Variants in ROBO1 observed in about 807,000 individuals in gnomAD.
ROBO1 encodes roundabout homolog 1.
ROBO1 carries 149 observed loss-of-function variants against 195.9 expected under a neutral mutation model. The ratio of observed to expected loss-of-function variants is 0.76; its 90% CI spans 0.67 to 0.87. The LOEUF (loss-of-function observed/expected upper bound fraction) is 0.87, where lower values mean the gene tolerates loss of function less well. Ranked by LOEUF, ROBO1 falls within the 40% of genes least tolerant of loss-of-function variation. The pLI is 0.00. For missense variants in ROBO1, 1,933 were observed against 2,068.3 expected, an observed-to-expected ratio of 0.93 and a Z score of 1.27; for synonymous variants, 816 against 733.2, an observed-to-expected ratio of 1.11 and a Z score of -1.82.
chr3:79,192,800 T>A (rs976369089), intron 2 of ROBO1, among the ~76,000 whole-genome samples: 5 of 151,542 alleles, frequency 3.3e-5, no homozygotes, highest in African/African-American at 4.8e-5. Flanking sequence ...GCTACCTGAG[T>A]GTTTTTAACC....
At chr3:79,079,244 G>A (rs78792052) in intron 3 of ROBO1, among the ~76,000 whole-genome samples, 7 of 151,652 alleles carry the variant, frequency 4.6e-5, no homozygotes, top group African/African-American at 1.4e-4. Context: ...TCTTTAAAAG[G>A]CATCTATATA....
intron 1 of ROBO1, among the ~76,000 whole-genome samples, chr3:79,655,496 T>G (rs1249518723): frequency 6.6e-6 from 1 of 152,102 alleles, no homozygotes; most frequent in African/African-American, 2.4e-5. Flanking sequence ...TGTTGGAGTA[T>G]AGTTATCAAA....
In ROBO1 at chr3:79,571,762, T is replaced by A. The variant is rs548312658; in HGVS notation, c.88+18062A>T. On this transcript the variant is annotated intron_variant, in intron 2 of 30. Coordinates refer to ENST00000464233, the MANE Select transcript of ROBO1 (RefSeq NM_002941.4). Reference sequence around the variant, plus strand: ...TAACTCATATATCTATGTGAGATAGTCTCAGTTATCAACACCCAGAGGAAG... The same window carrying A: ...TAACTCATATATCTATGTGAGATAGACTCAGTTATCAACACCCAGAGGAAG... 7.9e-5 allele frequency among the ~76,000 whole-genome samples: 12 copies of A among 152,228 alleles called. No homozygotes were observed. In the South Asian group the frequency reaches 2.3e-3, roughly 29 times the overall value.
intron 4 of ROBO1, among the ~76,000 whole-genome samples, chr3:78,772,394 G>A (rs1441598759): frequency 2.0e-5 from 3 of 151,896 alleles, no homozygotes; most frequent in South Asian, 4.1e-4. Flanking sequence ...TTTGGAAAAC[G>A]TCATCATAAA....
intron 4 of ROBO1, among the ~76,000 whole-genome samples, chr3:78,846,914 C>T (rs771612505): frequency 6.6e-6 from 1 of 152,108 alleles, no homozygotes; most frequent in Non-Finnish European, 1.5e-5. Flanking sequence ...GCAGCTGAGA[C>T]AGCAAAGGAG....
At chr3:79,663,806 C>G (rs1415412217) in intron 1 of ROBO1, among the ~76,000 whole-genome samples, 1 of 152,002 alleles carries the variant, frequency 6.6e-6, no homozygotes, top group Admixed American at 6.6e-5. Context: ...ATCCTGGAAT[C>G]TCTTCCCACT....
intron 3 of ROBO1, among the ~76,000 whole-genome samples, chr3:78,984,055 C>T (rs996471542): frequency 6.6e-6 from 1 of 152,144 alleles, no homozygotes; most frequent in Non-Finnish European, 1.5e-5. Flanking sequence ...AAAATAACAT[C>T]ATTAATAACG....
At chr3:79,104,530 AT>A (rs966292728) in intron 3 of ROBO1, among the ~76,000 whole-genome samples, 1 of 151,440 alleles carries the variant, frequency 6.6e-6, no homozygotes, top group African/African-American at 2.4e-5. Flanking sequence ...GCACCTTCTG[AT>A]TTTTTTTATT....
intron 2 of ROBO1, among the ~76,000 whole-genome samples, chr3:79,348,634 A>G (rs1172054156): frequency 6.6e-6 from 1 of 152,204 alleles, no homozygotes; most frequent in Non-Finnish European, 1.5e-5. Context: ...ACATTAAATA[A>G]TAAATAATTT....
intron 4 of ROBO1, among the ~76,000 whole-genome samples, chr3:78,911,640 T>C (rs1420484829): frequency 6.6e-6 from 1 of 152,026 alleles, no homozygotes; most frequent in Non-Finnish European, 1.5e-5. Flanking sequence ...ACCTTTAACC[T>C]GAACTTGCCT....
At chr3:78,949,006 A>G (rs917352231) in intron 3 of ROBO1, among the ~76,000 whole-genome samples, 15 of 149,316 alleles carry the variant, frequency 1.0e-4, no homozygotes, top group Non-Finnish European at 1.9e-4. Context: ...CAAGGAAATA[A>G]AAGAGGATAC....
intron 2 of ROBO1, among the ~76,000 whole-genome samples, chr3:79,333,204 C>CCA (rs2034522651): frequency 2.2e-5 from 3 of 133,574 alleles, no homozygotes; most frequent in African/African-American, 8.8e-5. Context: ...GAGACTCTGT[C>CCA]TAAAAAAAAA....
intron 22 of ROBO1, among the ~76,000 whole-genome samples, chr3:78,637,739 T>G (rs537656986): frequency 4.6e-5 from 7 of 152,222 alleles, no homozygotes; most frequent in Admixed American, 6.5e-5. Flanking sequence ...TATGGGCCTC[T>G]AGAGGACAGA....
chr3:79,695,299 T>C (rs1306981252), intron 1 of ROBO1, among the ~76,000 whole-genome samples: 1 of 151,670 alleles, frequency 6.6e-6, no homozygotes, highest in Admixed American at 6.6e-5. Context: ...TAATTACTTA[T>C]TTGTACAAAG....
intron 2 of ROBO1, among the ~76,000 whole-genome samples, chr3:79,486,072 T>C (rs1437456227): frequency 6.6e-6 from 1 of 152,348 alleles, no homozygotes; most frequent in East Asian, 1.9e-4. Context: ...CATGTTATTC[T>C]TTATTATTAT....
At chr3:79,543,044 A>G (rs1238162915) in intron 2 of ROBO1, among the ~76,000 whole-genome samples, 1 of 152,082 alleles carries the variant, frequency 6.6e-6, no homozygotes, top group Admixed American at 6.6e-5. Flanking sequence ...ATTTGATTAA[A>G]ATATGTGCAT....
intron 3 of ROBO1, among the ~76,000 whole-genome samples, chr3:78,946,773 G>A (rs371968663): frequency 6.6e-6 from 1 of 152,084 alleles, no homozygotes; most frequent in Non-Finnish European, 1.5e-5. Flanking sequence ...GTATTCAGGA[G>A]ACCCATCTCA....
chr3:79,572,835 G>C (rs1943324185), intron 2 of ROBO1, among the ~76,000 whole-genome samples: 1 of 151,952 alleles, frequency 6.6e-6, no homozygotes, highest in African/African-American at 2.4e-5. Flanking sequence ...GTTTGGTCCG[G>C]GAGGCCTCGT....
At chr3:79,358,002 G>T (rs1336361052) in intron 2 of ROBO1, among the ~76,000 whole-genome samples, 3 of 152,030 alleles carry the variant, frequency 2.0e-5, no homozygotes, top group African/African-American at 2.4e-5. Context: ...CAAAATTGGG[G>T]TTTGTCTGAT....
Sources: allele counts gnomAD v4.1 joint callset (sites outside exome capture counted in the v4.1 genomes callset), GRCh38; gene constraint gnomAD v4.1.1; transcripts MANE v1.5; gene names NCBI Gene and HGNC (gene_info 2026-07-23, HGNC 2026-07-21).